Variants in GNG7 observed in about 807,000 individuals in gnomAD.
The protein encoded by GNG7 is G protein subunit gamma 7, also known as guanine nucleotide-binding protein G(I)/G(S)/G(O) subunit gamma-7.
Under a neutral mutation model 4.0 loss-of-function variants are expected in GNG7, and 1 was observed. The ratio of observed to expected loss-of-function variants is 0.25; its 90% CI spans 0.09 to 1.18. The LOEUF is 1.18. Among genes scored for constraint, GNG7 ranks in the 50% most tolerant of loss-of-function variants. The pLI, the probability that GNG7 is intolerant of heterozygous loss-of-function variation, is 0.50. For missense variants in GNG7, 86 were observed against 91.9 expected (o/e 0.94, Z 0.26); for synonymous variants, 34 against 36.9 (o/e 0.92, Z 0.29).
chr19:2,568,297 ACGCACACACATACACACG>A, intron 2 of GNG7, among the ~76,000 whole-genome samples: 1 of 73,082 alleles, frequency 1.4e-5, no homozygotes, highest in Non-Finnish European at 3.4e-5. Flanking sequence ...ACATATACAC[ACGCACACACATACACACG>A]CACACACACA....
At chr19:2,550,240 C>T (rs146845300) in intron 3 of GNG7, among the ~76,000 whole-genome samples, 8 of 152,242 alleles carry the variant, frequency 5.3e-5, no homozygotes, top group South Asian at 2.1e-4. Context: ...TATTTTGAGA[C>T]GGAGTCTTGC....
chr19:2,617,837 G>C lies in GNG7; in HGVS notation c.-78+28387C>G, dbSNP rs1981763407. Among the ~76,000 whole-genome samples the C allele has an allele frequency of 6.6e-6, 1 of 151,626 alleles. No individual in the cohort carries two copies. Among genetic ancestry groups the C allele is most frequent in the African/African-American group, 2.4e-5 (1 of 41,164 alleles). ...GGGCTCAAGTGATCCTCCTACCTCA[G>C]CCTCCAGAGCAGCTGGAACTACAGG... On this transcript the variant is annotated intron_variant, in intron 2 of 4. Coordinates refer to ENST00000382159, the MANE Select transcript of GNG7 (RefSeq NM_052847.3). This position sits in a 1 kb window ranked among gnomAD's most constrained non-coding sequence, Gnocchi z 4.7.
At chr19:2,555,720 G>A (rs1243172449) in intron 2 of GNG7, among the ~76,000 whole-genome samples, 10 of 152,032 alleles carry the variant, frequency 6.6e-5, no homozygotes, top group Non-Finnish European at 1.0e-4. Flanking sequence ...CATGTGAGCC[G>A]CCCAGGGCCA....
At chr19:2,686,232 A>C (rs2144905097) in intron 1 of GNG7, among the ~76,000 whole-genome samples, 1 of 150,570 alleles carries the variant, frequency 6.6e-6, no homozygotes, top group Admixed American at 6.6e-5. Context: ...ATCTCAGCTC[A>C]CTGCAACCTC....
rs142328153 is a variant in GNG7, at chr19:2,649,390, A to AATTATTATT, written c.-134-3119_-134-3111dup. On this transcript the variant is annotated intron_variant, in intron 1 of 4. Coordinates refer to ENST00000382159, the MANE Select transcript of GNG7 (RefSeq NM_052847.3). ...TTCAGTGTAGACGCTCACCCCTAGGAATTATTATTATTATTATTACTTTTT... is the reference window on the plus strand; with the variant it reads ...TTCAGTGTAGACGCTCACCCCTAGGAATTATTATTATTATTATTATTATTATTACTTTTT... Among the ~76,000 whole-genome samples the AATTATTATT allele has an allele frequency of 5.8e-3, 849 of 145,838 alleles. 11 individuals are homozygous for AATTATTATT. Among genetic ancestry groups the AATTATTATT allele is most frequent in the African/African-American group, 0.02 (804 of 39,462 alleles).
At chr19:2,596,672 C>CT (rs201170545) in intron 2 of GNG7, among the ~76,000 whole-genome samples, 1 of 146,102 alleles carries the variant, frequency 6.8e-6, no homozygotes, top group Admixed American at 7.2e-5. Context: ...CTGTCCCCCC[C>CT]CCAAAAAAAA....
intron 1 of GNG7, among the ~76,000 whole-genome samples, chr19:2,695,312 C>G (rs1336494943): frequency 6.6e-6 from 1 of 151,544 alleles, no homozygotes; most frequent in Non-Finnish European, 1.5e-5. Context: ...CTTATCACCC[C>G]TGCACCTATT....
intron 1 of GNG7, among the ~76,000 whole-genome samples, chr19:2,696,211 A>T: frequency 6.7e-6 from 1 of 148,428 alleles, no homozygotes; most frequent in Non-Finnish European, 1.5e-5. Context: ...GAGGGGAGAG[A>T]GGGAAGAGAG....
intron 2 of GNG7, among the ~76,000 whole-genome samples, chr19:2,638,300 TGCA>T (rs1982370823): frequency 6.7e-6 from 1 of 148,810 alleles, no homozygotes; most frequent in Non-Finnish European, 1.5e-5. Flanking sequence ...AGGCAGAGGT[TGCA>T]GTGAGCTGAG....
At chr19:2,605,507 CTTTTTTTTTTTT>C (rs10602276) in intron 2 of GNG7, among the ~76,000 whole-genome samples, 28 of 62,460 alleles carry the variant, frequency 4.5e-4, no homozygotes, top group South Asian at 3.9e-3. Context: ...CCAAATCTCA[CTTTTTTTTTTTT>C]TTTTTTTTTT....
intron 2 of GNG7, among the ~76,000 whole-genome samples, chr19:2,568,469 T>C (rs951725489): frequency 2.8e-5 from 4 of 141,658 alleles, no homozygotes; most frequent in Admixed American, 6.9e-5. Flanking sequence ...CACACACACA[T>C]GCACATACAC....
In GNG7 at chr19:2,582,721, T is replaced by C. The variant is rs543153661; in HGVS notation, c.-77-27533A>G. ...TCTCGCTCTGTCACCCAGGCTGGAGTGCAGTAACTTGATCTTGGCTCACTG... is the reference window on the plus strand; with the variant it reads ...TCTCGCTCTGTCACCCAGGCTGGAGCGCAGTAACTTGATCTTGGCTCACTG... On this transcript the variant is annotated intron_variant, in intron 2 of 4. Transcript: ENST00000382159. Among the ~76,000 whole-genome samples the C allele has an allele frequency of 7.8e-5, 11 of 140,550 alleles. No homozygotes were observed. In the East Asian group the frequency reaches 8.4e-4, roughly 11 times the overall value. 92.2% of individuals were successfully genotyped at this position (140,550 alleles called of 152,430 possible).
intron 1 of GNG7, among the ~76,000 whole-genome samples, chr19:2,671,335 G>A (rs142535914): frequency 0.012 from 1,894 of 152,186 alleles, 29 homozygotes; most frequent in Middle Eastern, 0.075. Flanking sequence ...GGACCACCCC[G>A]GATCCCCCTG....
chr19:2,568,465 C>T (rs1160512715), intron 2 of GNG7, among the ~76,000 whole-genome samples: 6 of 137,960 alleles, frequency 4.3e-5, no homozygotes, highest in South Asian at 2.3e-4. Context: ...CATACACACA[C>T]ACATGCACAT....
intron 2 of GNG7, among the ~76,000 whole-genome samples, chr19:2,591,390 A>C (rs977319598): frequency 6.6e-6 from 1 of 151,336 alleles, no homozygotes; most frequent in Non-Finnish European, 1.5e-5. Context: ...CCCTTTCTTT[A>C]AACCTTTTGG....
chr19:2,542,317 T>C (rs1253137323), intron 3 of GNG7, among the ~76,000 whole-genome samples: 1 of 151,954 alleles, frequency 6.6e-6, no homozygotes, highest in Admixed American at 6.6e-5. Context: ...GGTTTCACCA[T>C]GTTGCCCAGG....
intron 3 of GNG7, among the ~76,000 whole-genome samples, chr19:2,549,194 C>T (rs980319014): frequency 2.0e-5 from 3 of 152,202 alleles, no homozygotes; most frequent in South Asian, 2.1e-4. Flanking sequence ...ACACAGCAAA[C>T]GGCAAGAAGG....
chr19:2,654,573 C>A (rs1982914400), intron 1 of GNG7, among the ~76,000 whole-genome samples: 1 of 151,348 alleles, frequency 6.6e-6, no homozygotes, highest in Non-Finnish European at 1.5e-5. Flanking sequence ...GACTGTGTCC[C>A]ATGATCCTCC....
intron 3 of GNG7, among the ~76,000 whole-genome samples, chr19:2,527,382 G>C (rs1242697562): frequency 6.6e-6 from 1 of 152,196 alleles, no homozygotes; most frequent in Non-Finnish European, 1.5e-5. Flanking sequence ...ATCCCTCCAG[G>C]AAGGGGGCCT....
Sources: gnomAD v4.1 joint callset for allele counts (sites outside exome capture counted in the v4.1 genomes callset) on GRCh38, gnomAD v4.1.1 for gene constraint, Gnocchi (gnomAD v3.1) non-coding constraint, MANE v1.5 for transcripts, NCBI Gene and HGNC (gene_info 2026-07-23, HGNC 2026-07-21) for gene names.